ABCD3: variants seen among roughly 807,000 people sequenced by gnomAD.
The protein encoded by ABCD3 is ATP-binding cassette sub-family D member 3.
In ABCD3, 41 loss-of-function variants were observed where a neutral mutation model predicts 105.5. The observed-to-expected ratio is 0.39, with a 90% CI of 0.30 to 0.50. The LOEUF (loss-of-function observed/expected upper bound fraction) is 0.50, where lower values mean the gene tolerates loss of function less well. ABCD3 is among the 20% of genes least tolerant of loss of function. The pLI is 0.84. For missense variants in ABCD3, 622 were observed against 806.3 expected (o/e 0.77, Z 2.77); for synonymous variants, 258 against 269.0 (o/e 0.96, Z 0.40).
At chr1:94,436,451 C>T (rs570187108) in intron 1 of ABCD3, among the ~76,000 whole-genome samples, 21 of 152,314 alleles carry the variant, frequency 1.4e-4, no homozygotes, top group African/African-American at 5.1e-4. Context: ...AAATTTTTTT[C>T]ACATAGGCTC....
chr1:94,432,652 G>A (rs116231561), intron 1 of ABCD3: 1 of 151,976 alleles, frequency 6.6e-6, no homozygotes, highest in Non-Finnish European at 1.5e-5. Context: ...CCATGTGGAA[G>A]GTAAAAGGCA....
intron 7 of ABCD3, among the ~76,000 whole-genome samples, chr1:94,476,843 C>A (rs1174573705): frequency 6.6e-6 from 1 of 151,966 alleles, no homozygotes; most frequent in Non-Finnish European, 1.5e-5. Flanking sequence ...ATTAAGCTTT[C>A]TTTTCTGTTC....
In ABCD3 at chr1:94,487,808, A is replaced by G. The variant is rs199783459; in HGVS notation, c.1065+17A>G. ...CTTCTAGAGGTAAACTGATGATAAT[A>G]CAATGAAAATGTAACAGTAAAAATA... On this transcript the variant is annotated intron_variant, in intron 12 of 22. Transcript: ENST00000370214. 2 of 1,612,746 alleles carry G rather than the reference A, an allele frequency of 1.2e-6. No individual in the cohort carries two copies. The highest frequency in any genetic ancestry group is 2.2e-5 in the East Asian group (1 of 44,846).
chr1:94,484,560 C>G (rs1365130411), intron 10 of ABCD3, among the ~76,000 whole-genome samples: 1 of 152,166 alleles, frequency 6.6e-6, no homozygotes, highest in Non-Finnish European at 1.5e-5. Context: ...ACTGCATGTT[C>G]TCACTCATAG....
chr1:94,503,507 G>C (rs899776460), intron 20 of ABCD3, among the ~76,000 whole-genome samples: 4 of 151,864 alleles, frequency 2.6e-5, no homozygotes, highest in Admixed American at 1.3e-4. Flanking sequence ...ATCCCCTCCC[G>C]CAGCCCCCAC....
At chr1:94,447,538 C>T (rs1660402587) in intron 1 of ABCD3, among the ~76,000 whole-genome samples, 1 of 152,192 alleles carries the variant, frequency 6.6e-6, no homozygotes, top group Non-Finnish European at 1.5e-5. Flanking sequence ...AAAGTGTTGC[C>T]ACAGGGCATG....
At chr1:94,412,369 A>C in the ABCD3 span, among the ~76,000 whole-genome samples, 1 of 152,130 alleles carries the variant, frequency 6.6e-6, no homozygotes, top group Admixed American at 6.5e-5. Context: ...ACTTTCCCCC[A>C]CTAGCTCCGT....
chr1:94,413,125 T>C, the ABCD3 span, among the ~76,000 whole-genome samples: 2 of 152,130 alleles, frequency 1.3e-5, no homozygotes, highest in Non-Finnish European at 2.9e-5. Context: ...CCTAGAAAGG[T>C]CTTCCCCATG....
intron 21 of ABCD3, among the ~76,000 whole-genome samples, chr1:94,511,039 G>A (rs1053200903): frequency 6.6e-6 from 1 of 151,564 alleles, no homozygotes; most frequent in Non-Finnish European, 1.5e-5. Context: ...TCATTATGAT[G>A]TTAGCTGGTT....
chr1:94,430,474 T>TG (rs1410347919), intron 1 of ABCD3, among the ~76,000 whole-genome samples: 1 of 152,156 alleles, frequency 6.6e-6, no homozygotes, highest in Non-Finnish European at 1.5e-5. Flanking sequence ...AATTGAATCA[T>TG]GGGGGCAGGT....
Position 94,493,071 on chromosome 1 carries a change from G to T in ABCD3, c.1386+1824G>T, listed in dbSNP as rs1649610309. On this transcript the variant is annotated intron_variant, in intron 16 of 22. Coordinates refer to ENST00000370214, the MANE Select transcript of ABCD3 (RefSeq NM_002858.4). Reference sequence around the variant, plus strand: ...CATGTCTAAAACACCAAAAGCAATGGCAACAAAAGCCAAAATTGACAAATG... The same window carrying T: ...CATGTCTAAAACACCAAAAGCAATGTCAACAAAAGCCAAAATTGACAAATG... 5.3e-5 allele frequency among the ~76,000 whole-genome samples: 8 copies of T among 151,856 alleles called. No homozygotes were observed. In the South Asian group the frequency reaches 1.7e-3, roughly 32 times the overall value.
chr1:94,431,772 A>G (rs1033379133), intron 1 of ABCD3, among the ~76,000 whole-genome samples: 2 of 152,114 alleles, frequency 1.3e-5, no homozygotes, highest in East Asian at 1.9e-4. Context: ...TGTTAGGACG[A>G]TATAGGCGTG....
intron 16 of ABCD3, among the ~76,000 whole-genome samples, chr1:94,493,379 A>G (rs1169641416): frequency 6.6e-6 from 1 of 152,128 alleles, no homozygotes; most frequent in Non-Finnish European, 1.5e-5. Context: ...AATGCAAATC[A>G]AAACCACAGT....
chr1:94,505,026 G>C (rs1338136965), intron 20 of ABCD3, among the ~76,000 whole-genome samples: 1 of 152,126 alleles, frequency 6.6e-6, no homozygotes, highest in African/African-American at 2.4e-5. Context: ...TGGAGCAACT[G>C]TTTGATAGTT....
chr1:94,506,609 C>T lies in ABCD3; in HGVS notation c.1812C>T (p.Asp604=), dbSNP rs534854297. 1.9e-5 allele frequency: 31 copies of T among 1,612,720 alleles called. No homozygotes were observed. The highest frequency in any genetic ancestry group is 6.7e-5 in the Admixed American group (4 of 59,960). Residue 604 remains aspartate, a synonymous_variant, in exon 21 of 23, where the codon GAC becomes GAT. Coordinates refer to ENST00000370214, the MANE Select transcript of ABCD3 (RefSeq NM_002858.4). ...AATGCACAAGTGCAGTTAGTGTCGA[C>T]GTGGAAGGCTACATTTATAGTCATT... is the stretch of plus-strand genomic sequence containing the variant. ...LDECTSAVSV[D]VEGYIYSHCR...
chr1:94,480,415 A>C (rs1000024196), intron 8 of ABCD3, 49 bp from the exon 9 acceptor site: 3 of 1,605,880 alleles, frequency 1.9e-6, no homozygotes, highest in African/African-American at 2.7e-5. Flanking sequence ...AAGTGAATTT[A>C]TTATTATATC....
the ABCD3 span, among the ~76,000 whole-genome samples, chr1:94,408,613 A>G: frequency 6.6e-6 from 1 of 152,034 alleles, no homozygotes; most frequent in Non-Finnish European, 1.5e-5. Flanking sequence ...ACAAACAAAA[A>G]AATCAGAATG....
At chr1:94,406,177 A>C in the ABCD3 span, among the ~76,000 whole-genome samples, 1 of 151,642 alleles carries the variant, frequency 6.6e-6, no homozygotes, top group East Asian at 1.9e-4. Context: ...TAAAAAAAAA[A>C]ACAACTATAT....
At chr1:94,391,312 C>CTT in the ABCD3 span, among the ~76,000 whole-genome samples, 1 of 152,142 alleles carries the variant, frequency 6.6e-6, no homozygotes, top group African/African-American at 2.4e-5. Flanking sequence ...AATGTAATCA[C>CTT]TTTTGCACCA....
Sources: gnomAD v4.1 joint callset for allele counts (sites outside exome capture counted in the v4.1 genomes callset) on GRCh38, gnomAD v4.1.1 for gene constraint, MANE v1.5 for transcripts, NCBI Gene and HGNC (gene_info 2026-07-23, HGNC 2026-07-21) for gene names.